The following AMZ1 variants were observed in gnomAD, a reference collection of about 807,000 sequenced individuals.
AMZ1 encodes the protein archaelysin family metallopeptidase 1, also known as archaemetzincin-1.
In AMZ1, 39 loss-of-function variants were observed where a neutral mutation model predicts 29.9. The ratio of observed to expected loss-of-function variants is 1.30; its 90% confidence interval spans 1.01 to 1.70. AMZ1 has a LOEUF of 1.70. Ranked by LOEUF, AMZ1 falls within the 40% of genes most tolerant of loss-of-function variation. AMZ1 has a pLI of 0.00. For synonymous variants in AMZ1, 458 were observed against 304.0 expected (o/e 1.51, Z -5.27); for missense variants, 1,041 against 680.6 (o/e 1.53, Z -5.89).
upstream of AMZ1, among the ~76,000 whole-genome samples, chr7:2,687,519 G>T (rs1334618112): frequency 2.6e-5 from 4 of 152,212 alleles, no homozygotes; most frequent in Non-Finnish European, 5.9e-5. Context: ...AAGGCCTCTG[G>T]GCTCTGTCTG....
At chr7:2,698,828 C>G (rs910885263) in intron 1 of AMZ1, among the ~76,000 whole-genome samples, 2 of 152,062 alleles carry the variant, frequency 1.3e-5, no homozygotes, top group Non-Finnish European at 2.9e-5. Flanking sequence ...ACAGCGAGAC[C>G]CTATCTCTAA....
chr7:2,757,854 T>G (rs1047095741), intron 4 of AMZ1, among the ~76,000 whole-genome samples: 3 of 152,202 alleles, frequency 2.0e-5, no homozygotes, highest in Non-Finnish European at 2.9e-5. Context: ...CAAACCTGAC[T>G]TTTTAAATGG....
At chr7:2,690,763 C>T (rs997200343) in intron 1 of AMZ1, among the ~76,000 whole-genome samples, 1 of 152,128 alleles carries the variant, frequency 6.6e-6, no homozygotes, top group African/African-American at 2.4e-5. Context: ...CCCTGAATAA[C>T]TTAGATGGGC....
upstream of AMZ1, chr7:2,762,465 C>A: frequency 1.6e-6 from 1 of 619,824 alleles, no homozygotes; most frequent in Non-Finnish European, 2.6e-6. Context: ...AGTCCAGCCT[C>A]TGAACCCACC....
chr7:2,693,717 G>A (rs1787542798), intron 1 of AMZ1, among the ~76,000 whole-genome samples: 1 of 152,116 alleles, frequency 6.6e-6, no homozygotes, highest in Non-Finnish European at 1.5e-5. Flanking sequence ...CACCACGCCT[G>A]GCTAATTTTT....
intron 4 of AMZ1, among the ~76,000 whole-genome samples, chr7:2,754,727 C>A (rs555306354): frequency 1.3e-5 from 2 of 152,266 alleles, no homozygotes; most frequent in African/African-American, 2.4e-5. Flanking sequence ...CCAGTCCGAG[C>A]AACAGAGTGA....
rs1789313720 is a variant in AMZ1, at chr7:2,719,282, T to A, written c.*6404T>A. ...TCCCGCCTGCACCACTTGGAGGCAGTTGTTTCACGTGGGGCTCTTGATGGC... is the reference window on the plus strand; with the variant it reads ...TCCCGCCTGCACCACTTGGAGGCAGATGTTTCACGTGGGGCTCTTGATGGC... On this transcript the variant is annotated 3_prime_UTR_variant, in exon 7 of 7. Transcript: ENST00000683327. Among the ~76,000 whole-genome samples, 1 of 152,224 alleles carries A rather than the reference T, an allele frequency of 6.6e-6. No homozygotes were observed. The highest frequency in any genetic ancestry group is 1.5e-5 in the Non-Finnish European group (1 of 68,034).
At chr7:2,704,730 G>T (rs1215964654) in intron 3 of AMZ1, among the ~76,000 whole-genome samples, 2 of 151,586 alleles carry the variant, frequency 1.3e-5, no homozygotes, top group Non-Finnish European at 2.9e-5. Flanking sequence ...CCGAGTAGCT[G>T]GGCCTACAGG....
chr7:2,763,842 A>G (rs909487006), upstream of AMZ1, among the ~76,000 whole-genome samples: 2 of 152,212 alleles, frequency 1.3e-5, no homozygotes, highest in Non-Finnish European at 2.9e-5. Flanking sequence ...ATCCCCACTC[A>G]GTGGCCTCCA....
intron 3 of AMZ1, among the ~76,000 whole-genome samples, chr7:2,704,587 G>A (rs942359214): frequency 5.5e-5 from 6 of 108,422 alleles, no homozygotes; most frequent in South Asian, 2.6e-4. Context: ...GCAGTGTCAC[G>A]CTTTTTTTTT....
chr7:2,725,866 C>T (rs545637107), intron 4 of AMZ1, among the ~76,000 whole-genome samples: 21 of 152,272 alleles, frequency 1.4e-4, no homozygotes, highest in African/African-American at 3.9e-4. Context: ...TTCCAGGGCA[C>T]GCAGTGCCAG....
chr7:2,709,506 G>C (rs549636747), intron 5 of AMZ1, 134 bp from the exon 6 acceptor site: 2 of 1,363,278 alleles, frequency 1.5e-6, no homozygotes, highest in Non-Finnish European at 2.0e-6. Flanking sequence ...GGGGCAGGGG[G>C]AGGGCGCCTG....
intron 4 of AMZ1, among the ~76,000 whole-genome samples, chr7:2,735,628 A>T (rs1790131325): frequency 6.6e-6 from 1 of 152,202 alleles, no homozygotes; most frequent in African/African-American, 2.4e-5. Context: ...AACACAGCAA[A>T]CACTCACTGC....
chr7:2,681,408 A>G (rs1202101509), intron 1 of AMZ1, among the ~76,000 whole-genome samples: 1 of 151,534 alleles, frequency 6.6e-6, no homozygotes, highest in Non-Finnish European at 1.5e-5. Flanking sequence ...GGTGCATGCC[A>G]CCACGCCCGG....
At chr7:2,699,723 A>G (rs1324381643) in intron 1 of AMZ1, among the ~76,000 whole-genome samples, 2 of 152,180 alleles carry the variant, frequency 1.3e-5, no homozygotes, top group East Asian at 3.8e-4. Context: ...GGGGGGACCC[A>G]GGTGAGGATG....
At chr7:2,764,669 C>G (rs886797602) in exon 1 of AMZ1, 8 of 152,242 alleles carry the variant, frequency 5.3e-5, no homozygotes, top group African/African-American at 1.9e-4. Context: ...GGGGTTCTGT[C>G]TGAATGCATC....
At chr7:2,691,969 C>T (rs12670800) in intron 1 of AMZ1, among the ~76,000 whole-genome samples, 13,148 of 152,136 alleles carry the variant, frequency 0.086, 977 homozygotes, top group East Asian at 0.39. Context: ...CTGGCTGCGG[C>T]GCTAGGGGAA....
At chr7:2,724,760 C>G (rs1789554396) in intron 4 of AMZ1, among the ~76,000 whole-genome samples, 1 of 152,208 alleles carries the variant, frequency 6.6e-6, no homozygotes, top group African/African-American at 2.4e-5. Flanking sequence ...AAGTCAGCCA[C>G]TGAGCCGCAT....
chr7:2,716,130 G>A lies in AMZ1; in HGVS notation c.*3252G>A, dbSNP rs1307470384. On this transcript the variant is annotated 3_prime_UTR_variant, in exon 7 of 7. Coordinates refer to ENST00000683327, the MANE Select transcript of AMZ1 (RefSeq NM_001384743.1). ...TTATCTGTATTGCTGTGTGTGCGAT[G>A]AGTCTGGGGAAGCTAACACATGCCT... 2.6e-5 allele frequency: 4 copies of A among 152,242 alleles called. No homozygotes were observed. Among genetic ancestry groups the A allele is most frequent in the East Asian group, 1.9e-4 (1 of 5,192 alleles). The allele number at this position is 152,242 out of a possible 1,614,324, so 9.4% of individuals were successfully genotyped here.
Sources: gnomAD v4.1 joint callset for allele counts (sites outside exome capture counted in the v4.1 genomes callset) on GRCh38, gnomAD v4.1.1 for gene constraint, MANE v1.5 for transcripts, NCBI Gene and HGNC (gene_info 2026-07-23, HGNC 2026-07-21) for gene names.